The following SPAM1 variants were observed in gnomAD, a reference collection of about 807,000 sequenced individuals.
The protein encoded by SPAM1 is hyaluronidase PH-20.
In SPAM1, 22 loss-of-function variants were observed where a neutral mutation model predicts 29.6. That is an observed-to-expected ratio of 0.74 (90% CI 0.53 to 1.06). The LOEUF is 1.06. SPAM1 is among the 50% of genes least tolerant of loss of function. The pLI, the probability that SPAM1 is intolerant of heterozygous loss-of-function variation, is 0.00. For missense variants in SPAM1, 534 were observed against 604.0 expected, an observed-to-expected ratio of 0.88 and a Z score of 1.21; for synonymous variants, 194 against 204.6, an observed-to-expected ratio of 0.95 and a Z score of 0.44.
intron 2 of SPAM1, among the ~76,000 whole-genome samples, chr7:123,952,619 C>G (rs568867144): frequency 1.2e-4 from 19 of 152,038 alleles, no homozygotes; most frequent in Non-Finnish European, 2.5e-4. Flanking sequence ...CAATCAGAAT[C>G]ACAACACAAT....
intron 1 of SPAM1, among the ~76,000 whole-genome samples, chr7:123,937,451 A>G (rs544442143): frequency 6.6e-6 from 1 of 152,128 alleles, no homozygotes; most frequent in East Asian, 1.9e-4. Context: ...AATACAAAAA[A>G]TTAGCCGGGC....
At chr7:123,970,622 T>G (rs1792486286) in intron 6 of SPAM1, among the ~76,000 whole-genome samples, 1 of 149,886 alleles carries the variant, frequency 6.7e-6, no homozygotes, top group African/African-American at 2.4e-5. Context: ...ATTATTATTA[T>G]TATAGTAAGG....
At chr7:123,944,505 A>G (rs925203692) in intron 1 of SPAM1, among the ~76,000 whole-genome samples, 3 of 152,306 alleles carry the variant, frequency 2.0e-5, no homozygotes, top group South Asian at 2.1e-4. Context: ...AGGCCCAGTT[A>G]CCAAAAGGCA....
In SPAM1 at chr7:123,970,197, G is replaced by C. The variant is rs959683052; in HGVS notation, c.1486-1G>C. 6.5e-7 allele frequency: 1 copy of C among 1,548,870 alleles called. No individual in the cohort carries two copies. Among genetic ancestry groups the C allele is most frequent in the Admixed American group, 2.0e-5 (1 of 50,914 alleles). ...TTAATTTTCTTATGGTTTTCTTACA[G>C]TGGAGGCTGGAAGTCTGGGATCAAG... is the stretch of plus-strand genomic sequence containing the variant. On this transcript the variant is annotated splice_acceptor_variant, in intron 5 of 6. Coordinates refer to the SPAM1 transcript ENST00000340011. LOFTEE classifies it high-confidence loss of function.
intron 1 of SPAM1, among the ~76,000 whole-genome samples, chr7:123,943,439 C>T (rs1361437273): frequency 6.6e-6 from 1 of 152,076 alleles, no homozygotes; most frequent in African/African-American, 2.4e-5. Context: ...CTGTGGCATA[C>T]AACAATTTCA....
chr7:123,944,616 G>T (rs1240119967), intron 1 of SPAM1, among the ~76,000 whole-genome samples: 1 of 152,068 alleles, frequency 6.6e-6, no homozygotes, highest in Admixed American at 6.6e-5. Context: ...GAATTAATTA[G>T]CCATAGGAGG....
At chr7:123,969,573 C>G (rs1247401296) in intron 5 of SPAM1, among the ~76,000 whole-genome samples, 5 of 151,932 alleles carry the variant, frequency 3.3e-5, no homozygotes, top group African/African-American at 1.2e-4. Flanking sequence ...GTTCTTGGCA[C>G]CTTTGTCAAA....
chr7:123,928,227 A>G (rs1807958635), intron 1 of SPAM1, among the ~76,000 whole-genome samples: 1 of 152,062 alleles, frequency 6.6e-6, no homozygotes, highest in Non-Finnish European at 1.5e-5. Flanking sequence ...TTTCCAGGTA[A>G]CGCCCATTGA....
At chr7:123,957,864 G>C (rs1324024451) in intron 4 of SPAM1, among the ~76,000 whole-genome samples, 3 of 151,962 alleles carry the variant, frequency 2.0e-5, no homozygotes, top group African/African-American at 7.2e-5. Context: ...CTTTCTTAAA[G>C]TCAGCCAAGG....
At chr7:123,957,044 G>A (rs1277496277) in intron 4 of SPAM1, among the ~76,000 whole-genome samples, 1 of 151,972 alleles carries the variant, frequency 6.6e-6, no homozygotes, top group African/African-American at 2.4e-5. Flanking sequence ...TCTCTGTGGA[G>A]TTGAGAAAGC....
chr7:123,964,514 A>T (rs1339157055), downstream of SPAM1, among the ~76,000 whole-genome samples: 3 of 151,884 alleles, frequency 2.0e-5, no homozygotes, highest in African/African-American at 7.2e-5. Flanking sequence ...TTGACTTTTT[A>T]AAAATTTTTA....
intron 1 of SPAM1, among the ~76,000 whole-genome samples, 195 bp from the exon 2 acceptor site, chr7:123,949,677 A>C (rs978605720): frequency 2.0e-5 from 3 of 152,094 alleles, no homozygotes; most frequent in African/African-American, 7.2e-5. Flanking sequence ...TAGCTACATA[A>C]TTTTTATTAC....
chr7:123,960,158 C>A, downstream of SPAM1: 1 of 741,144 alleles, frequency 1.3e-6, no homozygotes, highest in Non-Finnish European at 2.0e-6. Context: ...GAATTCTCAA[C>A]CATGAGTTCA....
rs28892325 is a variant in SPAM1, at chr7:123,950,715, A to C, written c.-207+732A>C. Among the ~76,000 whole-genome samples, 569 of 152,248 alleles carry C rather than the reference A, an allele frequency of 3.7e-3. 1 individual carries two copies. Among genetic ancestry groups the C allele is most frequent in the African/African-American group, 0.013 (546 of 41,548 alleles). On this transcript the variant is annotated intron_variant, in intron 2 of 4. Coordinates refer to ENST00000682466, the MANE Select transcript of SPAM1 (RefSeq NM_153189.3). Reference sequence around the variant, plus strand: ...ACTTTGCTCTTGTGAATAGTGCTACAATGAAGATTTGAGTGAAGCTGTCTT... The same window carrying C: ...ACTTTGCTCTTGTGAATAGTGCTACCATGAAGATTTGAGTGAAGCTGTCTT...
chr7:123,970,335 C>A, intron 6 of SPAM1: 1 of 1,452,062 alleles, frequency 6.9e-7, no homozygotes, highest in Non-Finnish European at 9.3e-7. Context: ...ATGTTTCTGT[C>A]TGTGACCTTG....
chr7:123,965,133 C>T (rs1395333106), intron 5 of SPAM1, among the ~76,000 whole-genome samples: 1 of 152,052 alleles, frequency 6.6e-6, no homozygotes, highest in East Asian at 1.9e-4. Flanking sequence ...GCTAATAAGT[C>T]CTAGAGGCTG....
At chr7:123,951,246 G>A (rs753034356) in intron 2 of SPAM1, among the ~76,000 whole-genome samples, 2 of 152,072 alleles carry the variant, frequency 1.3e-5, no homozygotes, top group Non-Finnish European at 2.9e-5. Flanking sequence ...TTGCTGTGCA[G>A]ATGCTTTTTA....
chr7:123,968,872 T>C (rs748647140), intron 5 of SPAM1, among the ~76,000 whole-genome samples: 11 of 152,214 alleles, frequency 7.2e-5, no homozygotes, highest in Non-Finnish European at 1.6e-4. Flanking sequence ...ACTTGGTACA[T>C]AGTAAGCACC....
downstream of SPAM1, among the ~76,000 whole-genome samples, chr7:123,964,236 ACT>A (rs1377139677): frequency 6.6e-6 from 1 of 151,696 alleles, no homozygotes; most frequent in Admixed American, 6.6e-5. Flanking sequence ...CTGTAATTAG[ACT>A]CTATAAATGT....
Sources: gnomAD v4.1 joint callset for allele counts (sites outside exome capture counted in the v4.1 genomes callset) on GRCh38, gnomAD v4.1.1 for gene constraint, MANE v1.5 for transcripts, NCBI Gene and HGNC (gene_info 2026-07-23, HGNC 2026-07-21) for gene names.